DCDC2C: variants seen among roughly 807,000 people sequenced by gnomAD.
The protein encoded by DCDC2C is doublecortin domain-containing protein 2C.
DCDC2C carries 44 observed loss-of-function variants against 45.0 expected under a neutral mutation model. The ratio of observed to expected loss-of-function variants is 0.98; its 90% CI spans 0.77 to 1.26. DCDC2C has a LOEUF of 1.26. DCDC2C is among the 50% of genes most tolerant of loss of function. DCDC2C has a pLI of 0.00. For synonymous variants in DCDC2C, 187 were observed against 178.8 expected, an observed-to-expected ratio of 1.05 and a Z score of -0.37; for missense variants, 447 against 468.9, an observed-to-expected ratio of 0.95 and a Z score of 0.43.
At chr2:3,810,554 T>C (rs982327733) in intron 10 of DCDC2C, among the ~76,000 whole-genome samples, 1 of 152,182 alleles carries the variant, frequency 6.6e-6, no homozygotes, top group African/African-American at 2.4e-5. Flanking sequence ...CTCTGATGAG[T>C]ATTTCTTTTG....
intron 3 of DCDC2C, among the ~76,000 whole-genome samples, chr2:3,728,722 T>C (rs1369239087): frequency 6.6e-6 from 1 of 152,208 alleles, no homozygotes; most frequent in Non-Finnish European, 1.5e-5. Flanking sequence ...TAAAAACACA[T>C]AAACAGTAGT....
At chr2:3,808,991 C>G (rs1671324409) in intron 10 of DCDC2C, among the ~76,000 whole-genome samples, 1 of 151,922 alleles carries the variant, frequency 6.6e-6, no homozygotes, top group African/African-American at 2.4e-5. Context: ...GTTCTTGTAC[C>G]TTCTGTTGAA....
intron 9 of DCDC2C, among the ~76,000 whole-genome samples, chr2:3,782,619 C>CAGT (rs1211646467): frequency 6.6e-6 from 1 of 152,082 alleles, no homozygotes; most frequent in African/African-American, 2.4e-5. Flanking sequence ...GCTGGGACTA[C>CAGT]AGGCACCTGC....
intron 3 of DCDC2C, among the ~76,000 whole-genome samples, chr2:3,736,392 G>C (rs1240562997): frequency 6.6e-6 from 1 of 152,242 alleles, no homozygotes; most frequent in South Asian, 2.1e-4. Flanking sequence ...CGGAGCAGGA[G>C]ATGAGGAGGT....
intron 4 of DCDC2C, among the ~76,000 whole-genome samples, chr2:3,743,108 A>G (rs1669262452): frequency 1.3e-5 from 2 of 152,246 alleles, no homozygotes; most frequent in South Asian, 4.1e-4. Flanking sequence ...AGCTGGACTT[A>G]CATCAGACCA....
In DCDC2C at chr2:3,772,241, AGCATCCATG is replaced by A. The variant is rs559370855; in HGVS notation, c.954+2832_954+2840del. Among the ~76,000 whole-genome samples the A allele has an allele frequency of 1.8e-3, 273 of 152,288 alleles. 2 individuals are homozygous for A. Among genetic ancestry groups the A allele is most frequent in the Non-Finnish European group, 2.5e-3 (168 of 68,012 alleles). The stretch of plus-strand genomic sequence containing the variant: ...AGTGACACTAACAGCACAGCATCCG[AGCATCCATG>A]GAGGATGTCCAATGTGGAAGGACAC... On this transcript the variant is annotated intron_variant, in intron 8 of 10. Transcript: ENST00000399143.
At chr2:3,777,006 C>T (rs772137837) in intron 8 of DCDC2C, among the ~76,000 whole-genome samples, 1 of 152,180 alleles carries the variant, frequency 6.6e-6, no homozygotes, top group Non-Finnish European at 1.5e-5. Context: ...CCACCCCTCT[C>T]TGCCTGTGTT....
At chr2:3,820,243 C>T (rs548899379) in intron 10 of DCDC2C, among the ~76,000 whole-genome samples, 8 of 152,174 alleles carry the variant, frequency 5.3e-5, no homozygotes, top group East Asian at 1.9e-4. Flanking sequence ...GAACAATTAT[C>T]GAGTTTGTAT....
chr2:3,847,303 A>T lies in DCDC2C; in HGVS notation c.*120A>T. On this transcript the variant is annotated 3_prime_UTR_variant, in exon 11 of 11. Transcript: ENST00000399143. Reference sequence around the variant, plus strand: ...GTGGGGTGAAACTAAAGCCCCACACAGTGGTGTCTTCTCGAAAGCCAAAGA... The same window carrying T: ...GTGGGGTGAAACTAAAGCCCCACACTGTGGTGTCTTCTCGAAAGCCAAAGA... 1.6e-6 allele frequency: 1 copy of T among 631,562 alleles called. No individual in the cohort carries two copies. The highest frequency in any genetic ancestry group is 2.3e-6 in the Non-Finnish European group (1 of 440,504). The allele number at this position is 631,562 out of a possible 1,614,324, so 39.1% of individuals were successfully genotyped here. A position where few individuals can be genotyped will look rare whatever the true frequency, so the allele number is the denominator to read the frequency against.
rs560023552 is a variant in DCDC2C, at chr2:3,831,985, T to C, written c.1066-15169T>C. Among the ~76,000 whole-genome samples, 11 of 152,342 alleles carry C rather than the reference T, an allele frequency of 7.2e-5. No individual in the cohort carries two copies. In the South Asian group the frequency reaches 2.1e-3, roughly 29 times the overall value. ...TCCCTATGTCGGTTCTGTTGCGTCA[T>C]GTGCAGGAATCAGTGTCTCCTGGCA... On this transcript the variant is annotated intron_variant, in intron 10 of 10. Transcript: ENST00000399143.
At chr2:3,773,904 C>G (rs1488776496) in intron 8 of DCDC2C, among the ~76,000 whole-genome samples, 1 of 152,244 alleles carries the variant, frequency 6.6e-6, no homozygotes, top group Non-Finnish European at 1.5e-5. Flanking sequence ...TCCATTTCTA[C>G]TCTTCTAAAA....
chr2:3,730,415 C>A (rs866579751), intron 3 of DCDC2C, among the ~76,000 whole-genome samples: 3 of 152,142 alleles, frequency 2.0e-5, no homozygotes, highest in Non-Finnish European at 2.9e-5. Context: ...GCTATTGTGT[C>A]GGATTGCCAC....
At chr2:3,751,554 C>T (rs928882149) in intron 4 of DCDC2C, among the ~76,000 whole-genome samples, 2 of 152,258 alleles carry the variant, frequency 1.3e-5, no homozygotes, top group African/African-American at 2.4e-5. Flanking sequence ...ATGCCACACA[C>T]AGGCCTTATC....
chr2:3,828,430 C>T (rs932822412), intron 10 of DCDC2C, among the ~76,000 whole-genome samples: 1 of 152,224 alleles, frequency 6.6e-6, no homozygotes, highest in Non-Finnish European at 1.5e-5. Flanking sequence ...GGGGAGGTGA[C>T]AGTGAGTTAT....
At chr2:3,709,231 G>A (rs763838341) in intron 2 of DCDC2C, among the ~76,000 whole-genome samples, 2 of 152,124 alleles carry the variant, frequency 1.3e-5, no homozygotes, top group Non-Finnish European at 2.9e-5. Context: ...TATTTTGAGG[G>A]TATCTACTTC....
In DCDC2C at chr2:3,703,624, C is replaced by G. The variant is rs1440858150; in HGVS notation, c.-128C>G. On this transcript the variant is annotated 5_prime_UTR_variant, in exon 1 of 11. Transcript: ENST00000399143. This position sits in a 1 kb window ranked among gnomAD's most constrained non-coding sequence, Gnocchi z 4.4. Reference sequence around the variant, plus strand: ...CCCCGTCCCGTCCCCGTCCCGTCCCCGTCCTGCGCCAGCGGCTGGAGCGGA... The same window carrying G: ...CCCCGTCCCGTCCCCGTCCCGTCCCGGTCCTGCGCCAGCGGCTGGAGCGGA... The G allele has an allele frequency of 8.5e-6, 8 of 938,956 alleles. No homozygotes were observed. In the East Asian group the frequency reaches 1.8e-4, roughly 22 times the overall value. The allele number at this position is 938,956 out of a possible 1,614,324, so 58.2% of individuals were successfully genotyped here. A position where few individuals can be genotyped will look rare whatever the true frequency, so the allele number is the denominator to read the frequency against.
intron 6 of DCDC2C, among the ~76,000 whole-genome samples, chr2:3,766,791 TA>T: frequency 6.6e-6 from 1 of 152,340 alleles, no homozygotes; most frequent in Admixed American, 6.5e-5. Context: ...AAAGAAAACC[TA>T]AAAAAGACAT....
chr2:3,770,835 C>T (rs115119990), intron 8 of DCDC2C, among the ~76,000 whole-genome samples: 4 of 152,148 alleles, frequency 2.6e-5, no homozygotes, highest in South Asian at 2.1e-4. Flanking sequence ...TTTCCATCGA[C>T]TTTGAGGCAG....
chr2:3,843,602 A>G (rs903256511), intron 10 of DCDC2C, among the ~76,000 whole-genome samples: 2 of 152,188 alleles, frequency 1.3e-5, no homozygotes, highest in East Asian at 1.9e-4. Flanking sequence ...GTTGATTGCT[A>G]TGGGGTATTC....
Sources: allele counts gnomAD v4.1 joint callset (sites outside exome capture counted in the v4.1 genomes callset), GRCh38; gene constraint gnomAD v4.1.1; non-coding constraint Gnocchi (gnomAD v3.1); transcripts MANE v1.5; gene names NCBI Gene and HGNC (gene_info 2026-07-23, HGNC 2026-07-21).